The following IQSEC1 variants were observed in gnomAD, a reference collection of about 807,000 sequenced individuals.
IQSEC1 encodes IQ motif and SEC7 domain-containing protein 1.
IQSEC1 carries 31 observed loss-of-function variants against 91.0 expected under a neutral mutation model. That is an observed-to-expected ratio of 0.34 (90% CI 0.26 to 0.46). The LOEUF (loss-of-function observed/expected upper bound fraction) is 0.46. IQSEC1 is among the 20% of genes least tolerant of loss of function. The pLI is 1.00. For synonymous variants in IQSEC1, 699 were observed against 662.6 expected (o/e 1.05, Z -0.84); for missense variants, 1,388 against 1,575.6 (o/e 0.88, Z 2.02).
chr3:13,236,057 T>C (rs1024792769), intron 1 of IQSEC1, among the ~76,000 whole-genome samples: 1 of 152,002 alleles, frequency 6.6e-6, no homozygotes, highest in Non-Finnish European at 1.5e-5. Context: ...CCTTACGAGA[T>C]AGATGTATGA....
At chr3:13,161,235 G>A (rs968696801) in intron 2 of IQSEC1, among the ~76,000 whole-genome samples, 1 of 152,174 alleles carries the variant, frequency 6.6e-6, no homozygotes, top group African/African-American at 2.4e-5. Context: ...CGCTGGTAGG[G>A]GTGTGGCGTC....
rs957679415 is a variant in IQSEC1, at chr3:12,924,009, C to T, written c.1730+572G>A. 1.5e-4 allele frequency among the ~76,000 whole-genome samples: 23 copies of T among 152,212 alleles called. No individual in the cohort carries two copies. Among genetic ancestry groups the T allele is most frequent in the Admixed American group, 3.3e-4 (5 of 15,288 alleles). ...GTGGAATCAGGAGGTGGGGGCAGGA[C>T]GCACAGCCCCAATATCCCAGCCGGG... On this transcript the variant is annotated intron_variant, in intron 4 of 13. Transcript: ENST00000613206. This position sits in a 1 kb window ranked among gnomAD's most constrained non-coding sequence, Gnocchi z 6.3.
At chr3:13,070,432 A>T (rs1040081561) in intron 1 of IQSEC1, among the ~76,000 whole-genome samples, 24 of 152,186 alleles carry the variant, frequency 1.6e-4, no homozygotes, top group African/African-American at 5.8e-4. Flanking sequence ...GGGAAAGTTA[A>T]ACATCTAGAG....
At chr3:12,942,359 T>C (rs1217797314) in intron 1 of IQSEC1, among the ~76,000 whole-genome samples, 1 of 152,094 alleles carries the variant, frequency 6.6e-6, no homozygotes, top group Non-Finnish European at 1.5e-5. Flanking sequence ...TCCCAGCACT[T>C]TGGGAGGCCG....
chr3:13,054,247 G>A (rs1190039619), intron 1 of IQSEC1, among the ~76,000 whole-genome samples: 1 of 152,238 alleles, frequency 6.6e-6, no homozygotes, highest in Non-Finnish European at 1.5e-5. Context: ...TGGGGCACAG[G>A]AGGGATGTTT....
At position 12,975,772 on chromosome 3, in the gene IQSEC1, G is replaced by A. The variant is rs554276601; in HGVS notation, c.24-33907C>T. Reference sequence around the variant, plus strand: ...GAAACCAAGGCTCAGAAAGATTAAAGAATTTGTTTAAGGGCAAACAGCTAG... The same window carrying A: ...GAAACCAAGGCTCAGAAAGATTAAAAAATTTGTTTAAGGGCAAACAGCTAG... On this transcript the variant is annotated intron_variant, in intron 1 of 13. Transcript: ENST00000613206. 6.6e-5 allele frequency among the ~76,000 whole-genome samples: 10 copies of A among 152,334 alleles called. No homozygotes were observed. In the South Asian group the frequency reaches 2.1e-3, roughly 32 times the overall value.
intron 1 of IQSEC1, among the ~76,000 whole-genome samples, chr3:13,229,814 A>T (rs1412459927): frequency 1.3e-5 from 2 of 152,224 alleles, no homozygotes; most frequent in African/African-American, 4.8e-5. Context: ...GGCTCTGCCT[A>T]GACACACCAC....
At chr3:12,939,231 G>C (rs539566036) in intron 2 of IQSEC1, among the ~76,000 whole-genome samples, 1 of 152,342 alleles carries the variant, frequency 6.6e-6, no homozygotes, top group South Asian at 2.1e-4. Context: ...TAGAGGAGTC[G>C]ACCCCGTGGC....
intron 1 of IQSEC1, among the ~76,000 whole-genome samples, chr3:12,966,749 T>G (rs573029003): frequency 6.6e-6 from 1 of 152,222 alleles, no homozygotes; most frequent in Admixed American, 6.5e-5. Flanking sequence ...CACCCCCAAG[T>G]GGCCCTGCCA....
chr3:13,213,749 G>A (rs1694488459), intron 1 of IQSEC1, among the ~76,000 whole-genome samples: 1 of 152,144 alleles, frequency 6.6e-6, no homozygotes, highest in African/African-American at 2.4e-5. Flanking sequence ...GGATATGAGT[G>A]GGTCCCAGGG....
rs1693755827 is a variant in IQSEC1 at position 12,897,437 on chromosome 3, AAAC to A, written c.*3543_*3545del. 3 of 152,362 alleles carry A rather than the reference AAAC, an allele frequency of 2.0e-5. No individual in the cohort carries two copies. In the South Asian group the frequency reaches 6.2e-4, roughly 32 times the overall value. The allele number at this position is 152,362 out of a possible 1,614,324, so 9.4% of individuals were successfully genotyped here. On this transcript the variant is annotated 3_prime_UTR_variant, in exon 14 of 14. Coordinates refer to ENST00000613206, the MANE Select transcript of IQSEC1 (RefSeq NM_001134382.3). ...TTCAGGACCTGATTCTAATTGCTTA[AAAC>A]AACTCGGAGGCAAAAGATATTTTCC...
chr3:13,115,071 C>A (rs1316155997), intron 2 of IQSEC1, among the ~76,000 whole-genome samples: 6 of 152,106 alleles, frequency 3.9e-5, no homozygotes, highest in African/African-American at 9.7e-5. Context: ...CAGGTGCGGC[C>A]TTGAATGTAG....
intron 1 of IQSEC1, among the ~76,000 whole-genome samples, chr3:12,947,450 C>T (rs534480404): frequency 6.6e-6 from 1 of 151,786 alleles, no homozygotes; most frequent in East Asian, 1.9e-4. Context: ...CAAGGCCACC[C>T]TCACCCCACA....
chr3:13,209,298 T>A (rs1694401770), intron 1 of IQSEC1, among the ~76,000 whole-genome samples: 1 of 152,198 alleles, frequency 6.6e-6, no homozygotes, highest in East Asian at 1.9e-4. Flanking sequence ...ACTTGCTTGC[T>A]CTATCTCCAT....
At position 12,909,533 on chromosome 3, in the gene IQSEC1, G is replaced by A. The variant is rs1038036799; in HGVS notation, c.2417-99C>T. 1.9e-5 allele frequency: 24 copies of A among 1,245,624 alleles called. No homozygotes were observed. The highest frequency in any genetic ancestry group is 4.5e-5 in the African/African-American group (3 of 66,910). The allele number at this position is 1,245,624 out of a possible 1,614,324, so 77.2% of individuals were successfully genotyped here. A position where few individuals can be genotyped will look rare whatever the true frequency, so the allele number is the denominator to read the frequency against. On this transcript the variant is annotated intron_variant, in intron 10 of 13. Transcript: ENST00000613206. The surrounding 1 kb of genome is among the most constrained non-coding windows in gnomAD (Gnocchi z 4.9). ...AAACAATGGTAGGGCTGAGTTGTGC[G>A]TGAGCCTGGGATAAGTGCCGGGAGT...
At chr3:13,154,464 T>TATATATATATATATATACACACATAC (rs1707054260) in intron 2 of IQSEC1, among the ~76,000 whole-genome samples, 1 of 120,472 alleles carries the variant, frequency 8.3e-6, no homozygotes, top group Non-Finnish European at 1.7e-5. Context: ...TATATATATA[T>TATATATATATATATATACACACATAC]ATATATATAT....
intron 10 of IQSEC1, among the ~76,000 whole-genome samples, chr3:12,911,138 C>G (rs1252414824): frequency 6.6e-6 from 1 of 152,184 alleles, no homozygotes; most frequent in Non-Finnish European, 1.5e-5. Flanking sequence ...GTGGCAGGCA[C>G]TACCTTACAA....
intron 1 of IQSEC1, among the ~76,000 whole-genome samples, chr3:13,057,854 C>T (rs1326165408): frequency 6.6e-6 from 1 of 152,236 alleles, no homozygotes; most frequent in Non-Finnish European, 1.5e-5. Context: ...CCACCCCATG[C>T]CTGCACTCAG....
At chr3:13,228,206 A>G (rs1694789365) in intron 1 of IQSEC1, among the ~76,000 whole-genome samples, 1 of 152,212 alleles carries the variant, frequency 6.6e-6, no homozygotes, top group African/African-American at 2.4e-5. Flanking sequence ...ACGCGAGCTA[A>G]GAAGTTCAGA....
Sources: gnomAD v4.1 joint callset for allele counts (sites outside exome capture counted in the v4.1 genomes callset) on GRCh38, gnomAD v4.1.1 for gene constraint, Gnocchi (gnomAD v3.1) non-coding constraint, MANE v1.5 for transcripts, NCBI Gene and HGNC (gene_info 2026-07-23, HGNC 2026-07-21) for gene names.